KIF2C: variants seen among roughly 807,000 people sequenced by gnomAD.
KIF2C encodes the protein kinesin family member 2C, also known as kinesin-like protein KIF2C.
A neutral mutation model predicts 97.4 loss-of-function variants in KIF2C; 34 were observed. The ratio of observed to expected loss-of-function variants is 0.35; its 90% CI spans 0.27 to 0.46. The LOEUF (loss-of-function observed/expected upper bound fraction) is 0.46. Among genes scored for constraint, KIF2C ranks in the 20% least tolerant of loss-of-function variants. The pLI is 1.00. For missense variants in KIF2C, 750 were observed against 907.6 expected (o/e 0.83, Z 2.23); for synonymous variants, 313 against 318.2 (o/e 0.98, Z 0.17).
Position 44,760,261 on chromosome 1 carries a change from T to C in KIF2C, c.1368-19T>C. 3 of 1,612,520 alleles carry C rather than the reference T, an allele frequency of 1.9e-6. No individual in the cohort carries two copies. The highest frequency in any genetic ancestry group is 2.5e-6 in the Non-Finnish European group (3 of 1,178,950). ...GGGGGCTGGTGACCACAGAATCTCA[T>C]AACCTTTCTTTACCACAGAACCTCT... On this transcript the variant is annotated intron_variant, in intron 14 of 20. Transcript: ENST00000372224. The surrounding 1 kb of genome is among the most constrained non-coding windows in gnomAD (Gnocchi z 4.2).
At chr1:44,752,086 C>T (rs1003656053) in intron 5 of KIF2C, among the ~76,000 whole-genome samples, 2 of 150,370 alleles carry the variant, frequency 1.3e-5, no homozygotes, top group African/African-American at 2.5e-5. Flanking sequence ...TCCCAAGGTC[C>T]TGGGATTACA....
chr1:44,762,153 C>A, intron 17 of KIF2C, 170 bp downstream of exon 17: 1 of 835,720 alleles, frequency 1.2e-6, no homozygotes, highest in Non-Finnish European at 2.1e-6. Context: ...CCAATCCTCT[C>A]CGGGCCCTGC....
Position 44,767,523 on chromosome 1 carries a change from T to TC in KIF2C, c.*344_*345insC. On this transcript the variant is annotated 3_prime_UTR_variant, in exon 21 of 21. Transcript: ENST00000372224. ...GCTGCTAATGGAGAGCTCCCTGGGG[T>TC]TGTCCTGGCTCTGGGGAGAGAGACG... The TC allele has an allele frequency of 4.0e-6, 1 of 251,290 alleles. No homozygotes were observed. The highest frequency in any genetic ancestry group is 7.9e-6 in the Non-Finnish European group (1 of 126,276). 15.6% of individuals were successfully genotyped at this position (251,290 alleles called of 1,614,324 possible).
At chr1:44,757,145 G>C (rs1649885067) in intron 10 of KIF2C, among the ~76,000 whole-genome samples, 6 of 152,008 alleles carry the variant, frequency 3.9e-5, no homozygotes, top group Admixed American at 3.9e-4. Context: ...TCAAACTCCT[G>C]AGTTCAGGTG....
intron 19 of KIF2C, among the ~76,000 whole-genome samples, chr1:44,764,157 C>A (rs1242826573): frequency 6.6e-6 from 1 of 152,014 alleles, no homozygotes; most frequent in East Asian, 1.9e-4. Flanking sequence ...AAGGTACCCC[C>A]CAAAATATGT....
chr1:44,743,687 G>A (rs1649043764), intron 2 of KIF2C, among the ~76,000 whole-genome samples: 1 of 152,320 alleles, frequency 6.6e-6, no homozygotes. Flanking sequence ...AGCTACTCCA[G>A]AGGCTAAGGC....
At position 44,756,234 on chromosome 1, in the gene KIF2C, AC is replaced by A. The variant is rs1376090270; in HGVS notation, c.975del (p.Tyr325Ter). 2 of 1,614,148 alleles carry A rather than the reference AC, an allele frequency of 1.2e-6. No individual in the cohort carries two copies. The highest frequency in any genetic ancestry group is 2.7e-5 in the African/African-American group (2 of 75,064). On this transcript the variant is annotated frameshift_variant and splice_region_variant, in exon 10 of 21. Transcript: ENST00000372224. LOFTEE classifies it high-confidence loss of function. ...FDETASNEVV[Y>X]RFTARPLVQT... ...GAAACAGCTTCGAATGAAGTTGTCTACAGGTTAGTCCCTTGCATCCATTTTT... is the reference window on the plus strand; with the variant it reads ...GAAACAGCTTCGAATGAAGTTGTCTAAGGTTAGTCCCTTGCATCCATTTTT...
chr1:44,746,372 C>G (rs1280494556), intron 2 of KIF2C: 16 of 1,058,016 alleles, frequency 1.5e-5, no homozygotes, highest in Non-Finnish European at 1.7e-5. Context: ...GACCTCATTG[C>G]AGGCATCAAC....
chr1:44,767,296 A>G lies in KIF2C; in HGVS notation c.*117A>G, dbSNP rs1650523237. 2.4e-6 allele frequency: 2 copies of G among 834,056 alleles called. No individual in the cohort carries two copies. The highest frequency in any genetic ancestry group is 3.9e-6 in the Non-Finnish European group (2 of 515,320). The allele number at this position is 834,056 out of a possible 1,614,324, so 51.7% of individuals were successfully genotyped here. A position where few individuals can be genotyped will look rare whatever the true frequency, so the allele number is the denominator to read the frequency against. On this transcript the variant is annotated 3_prime_UTR_variant, in exon 21 of 21. Transcript: ENST00000372224. ...GTCTGAGCTGGGACAGGTTCTGGTAAATGCCAAGTATGGGGGCATCTGGGC... is the reference window on the plus strand; with the variant it reads ...GTCTGAGCTGGGACAGGTTCTGGTAGATGCCAAGTATGGGGGCATCTGGGC...
At chr1:44,761,793 C>A in intron 16 of KIF2C, 123 bp from the exon 17 acceptor site, 1 of 883,818 alleles carries the variant, frequency 1.1e-6, no homozygotes, top group African/African-American at 1.6e-5. Flanking sequence ...TGACTCCTCC[C>A]ACCAATACCA....
intron 2 of KIF2C, among the ~76,000 whole-genome samples, chr1:44,744,442 C>G (rs1374474222): frequency 6.6e-6 from 1 of 152,128 alleles, no homozygotes; most frequent in Non-Finnish European, 1.5e-5. Flanking sequence ...TTTCTTTGTA[C>G]CACATACTCT....
chr1:44,750,386 CCT>C, intron 4 of KIF2C, 54 bp from the exon 5 acceptor site: 6 of 1,325,584 alleles, frequency 4.5e-6, no homozygotes, highest in Non-Finnish European at 5.8e-6. Flanking sequence ...GAGGTTTGCC[CCT>C]GACCACCCTC....
chr1:44,741,331 G>A (rs1250543877), intron 2 of KIF2C, among the ~76,000 whole-genome samples: 7 of 147,496 alleles, frequency 4.7e-5, no homozygotes, highest in East Asian at 2.0e-4. Flanking sequence ...GCAGTGAGCC[G>A]AAACTGTGCC....
chr1:44,757,196 C>T (rs536602523), intron 10 of KIF2C, among the ~76,000 whole-genome samples: 66 of 152,068 alleles, frequency 4.3e-4, no homozygotes, highest in Admixed American at 7.2e-4. Flanking sequence ...GGATTACAGG[C>T]GTGAGCCACT....
At chr1:44,759,718 T>C (rs1413290387) in intron 14 of KIF2C, among the ~76,000 whole-genome samples, 1 of 152,158 alleles carries the variant, frequency 6.6e-6, no homozygotes, top group African/African-American at 2.4e-5. Context: ...CAAGTCAAAG[T>C]GTTACCCCAA....
At position 44,754,788 on chromosome 1, in the gene KIF2C, A is replaced by C; in HGVS notation, c.702A>C (p.Arg234=). Residue 234 remains arginine, a synonymous_variant, in exon 8 of 21, where the codon CGA becomes CGC. Coordinates refer to ENST00000372224, the MANE Select transcript of KIF2C (RefSeq NM_006845.4). ...DSSFPNWEFA[R]MIKEFRATLE... ...GTTTTCCAAACTGGGAATTTGCCCG[A>C]ATGATTAAAGAATTTCGGGCTACTT... The C allele has an allele frequency of 6.2e-7, 1 of 1,613,734 alleles. No homozygotes were observed.
intron 4 of KIF2C, among the ~76,000 whole-genome samples, chr1:44,749,391 T>C (rs991988449): frequency 6.6e-6 from 1 of 151,826 alleles, no homozygotes; most frequent in Non-Finnish European, 1.5e-5. Flanking sequence ...GCCGAGATCA[T>C]GCCACTGTAC....
At position 44,740,919 on chromosome 1, in the gene KIF2C, T is replaced by C. The variant is rs1648902871; in HGVS notation, c.77T>C (p.Ile26Thr). 2 of 1,612,142 alleles carry C rather than the reference T, an allele frequency of 1.2e-6. No individual in the cohort carries two copies. ...GTTTTTTCATACTTTATAGGTTTAA[T>C]TCACAGTGCCAATGTAAGGACTGTG... ...AIKIQRSNGL[I>T]HSANVRTVNL... Residue 26 changes from isoleucine to threonine, a missense_variant, in exon 2 of 21, where the codon ATT becomes ACT. Physicochemically the swap from Ile to Thr is moderately conservative, Grantham distance 89. Transcript: ENST00000372224.
At position 44,743,456 on chromosome 1, in the gene KIF2C, G is replaced by A. The variant is rs530847089; in HGVS notation, c.165+2449G>A. 8.3e-4 allele frequency among the ~76,000 whole-genome samples: 127 copies of A among 152,260 alleles called. 1 individual carries two copies. The South Asian group carries it at 0.025, about 30-fold the overall frequency. ...ACTTATTGGGTGCTAGGGATACAGA[G>A]GTGAAGGAGACAGACTCTTGGACTC... On this transcript the variant is annotated intron_variant, in intron 2 of 20. Coordinates refer to ENST00000372224, the MANE Select transcript of KIF2C (RefSeq NM_006845.4).
Sources: allele counts gnomAD v4.1 joint callset (sites outside exome capture counted in the v4.1 genomes callset), GRCh38; gene constraint gnomAD v4.1.1; non-coding constraint Gnocchi (gnomAD v3.1); transcripts MANE v1.5; gene names NCBI Gene and HGNC (gene_info 2026-07-23, HGNC 2026-07-21).